Variants in PLSCR4 observed in about 807,000 individuals in gnomAD.
The protein encoded by PLSCR4 is Ca(2+)-dependent phospholipid scramblase 4.
PLSCR4 carries 25 observed loss-of-function variants against 36.3 expected under a neutral mutation model. That is an observed-to-expected ratio of 0.69 (90% CI 0.50 to 0.96). The LOEUF is 0.96. PLSCR4 is among the 40% of genes least tolerant of loss of function. The pLI is 0.00. For synonymous variants in PLSCR4, 122 were observed against 132.9 expected (o/e 0.92, Z 0.56); for missense variants, 408 against 414.7 (o/e 0.98, Z 0.14).
At chr3:146,216,908 G>A (rs1428339887) in intron 3 of PLSCR4, among the ~76,000 whole-genome samples, 6 of 152,072 alleles carry the variant, frequency 3.9e-5, no homozygotes, top group Admixed American at 1.3e-4. Context: ...CGCCTTTGAA[G>A]GTGATGAAGT....
intron 3 of PLSCR4, among the ~76,000 whole-genome samples, chr3:146,215,294 T>C (rs2034838931): frequency 1.3e-5 from 2 of 151,934 alleles, no homozygotes. Context: ...GAAACTCGTG[T>C]TACTTATACA....
intron 1 of PLSCR4, among the ~76,000 whole-genome samples, chr3:146,249,719 A>G (rs1167902691): frequency 6.6e-6 from 1 of 151,926 alleles, no homozygotes; most frequent in Non-Finnish European, 1.5e-5. Context: ...TGAGCTAAAC[A>G]GTACAGTTAA....
At chr3:146,201,926 C>T (rs2034070253) in intron 4 of PLSCR4, among the ~76,000 whole-genome samples, 2 of 151,960 alleles carry the variant, frequency 1.3e-5, no homozygotes, top group Non-Finnish European at 2.9e-5. Flanking sequence ...GACCATTAGA[C>T]CATTCCTAAT....
chr3:146,221,300 G>A (rs1368746266), intron 2 of PLSCR4, among the ~76,000 whole-genome samples: 1 of 152,116 alleles, frequency 6.6e-6, no homozygotes, highest in East Asian at 1.9e-4. Flanking sequence ...ATAGAGTGAA[G>A]TTGATTTTTT....
At chr3:146,195,094 CT>C in intron 8 of PLSCR4, 29 bp downstream of exon 8, 1 of 1,605,400 alleles carries the variant, frequency 6.2e-7, no homozygotes, top group Non-Finnish European at 8.5e-7. Flanking sequence ...GAACAACTCT[CT>C]CAGGATAACT....
chr3:146,244,361 C>G (rs1452172430), intron 1 of PLSCR4, among the ~76,000 whole-genome samples: 1 of 152,070 alleles, frequency 6.6e-6, no homozygotes, highest in African/African-American at 2.4e-5. Flanking sequence ...TTTTACTGTG[C>G]TTTGCTATAC....
intron 1 of PLSCR4, among the ~76,000 whole-genome samples, chr3:146,235,337 T>A (rs764494827): frequency 3.3e-5 from 5 of 152,050 alleles, no homozygotes; most frequent in Non-Finnish European, 5.9e-5. Context: ...TAAAAGTGTA[T>A]GGTACCTCTC....
At chr3:146,243,409 A>G (rs957021328) in intron 1 of PLSCR4, among the ~76,000 whole-genome samples, 1 of 152,228 alleles carries the variant, frequency 6.6e-6, no homozygotes, top group Non-Finnish European at 1.5e-5. Context: ...TCTTGAAAAC[A>G]AAGAAATGAA....
At chr3:146,200,876 T>C (rs1054043505) in intron 5 of PLSCR4, among the ~76,000 whole-genome samples, 159 bp downstream of exon 5, 3 of 152,074 alleles carry the variant, frequency 2.0e-5, no homozygotes, top group Admixed American at 6.6e-5. Flanking sequence ...TTATACAAAA[T>C]AATTCACTTT....
chr3:146,223,088 T>G (rs181441587), intron 1 of PLSCR4, among the ~76,000 whole-genome samples: 2 of 80,270 alleles, frequency 2.5e-5, no homozygotes, highest in African/African-American at 8.4e-5. Context: ...AATTGAAAGT[T>G]TAGACTGGGG....
chr3:146,242,045 A>G (rs1315828585), intron 1 of PLSCR4, among the ~76,000 whole-genome samples: 1 of 152,202 alleles, frequency 6.6e-6, no homozygotes, highest in African/African-American at 2.4e-5. Context: ...AGCTTCAGCC[A>G]ATCACGGGCT....
intron 1 of PLSCR4, among the ~76,000 whole-genome samples, chr3:146,240,727 G>A (rs544335900): frequency 6.6e-6 from 1 of 152,206 alleles, no homozygotes; most frequent in South Asian, 2.1e-4. Flanking sequence ...ATGTCGCTGA[G>A]GAATGTAAAA....
chr3:146,227,768 G>A (rs1048279747), intron 1 of PLSCR4, among the ~76,000 whole-genome samples: 1 of 152,174 alleles, frequency 6.6e-6, no homozygotes, highest in Non-Finnish European at 1.5e-5. Flanking sequence ...AACCCTGAGA[G>A]AAGAGAACAG....
rs2033432310 is a variant in PLSCR4, at chr3:146,192,342, A to G, written c.*2069T>C. ...TCAAAAAATAAAACAGTGTTTTACT[A>G]TTAACCATTGTATATTTATTTAAAA... On this transcript the variant is annotated 3_prime_UTR_variant, in exon 9 of 9. Transcript: ENST00000354952. The G allele has an allele frequency of 6.6e-6, 1 of 150,552 alleles. No homozygotes were observed. Among genetic ancestry groups the G allele is most frequent in the Non-Finnish European group, 1.5e-5 (1 of 67,650 alleles). The allele number at this position is 150,552 out of a possible 1,614,324, so 9.3% of individuals were successfully genotyped here.
At position 146,199,909 on chromosome 3, in the gene PLSCR4, G is replaced by A. The variant is rs777955180; in HGVS notation, c.528C>T (p.Leu176=). 1 of 1,613,504 alleles carries A rather than the reference G, an allele frequency of 6.2e-7. No homozygotes were observed. Among genetic ancestry groups the A allele is most frequent in the Non-Finnish European group, 8.5e-7 (1 of 1,179,786 alleles). The change falls in exon 6 of 9, where the codon CTC becomes CTT. Residue 176 remains leucine (L), a synonymous_variant. Coordinates refer to ENST00000354952, the MANE Select transcript of PLSCR4 (RefSeq NM_020353.3). The stretch of plus-strand genomic sequence containing the variant: ...CTCGGCCCATACAATCAGTGACCCG[G>A]AGGACGAAGGGCCTTAGTGTCCGAT... ...NAYRTLRPFV[L]RVTDCMGREI... is the part of the protein sequence containing the mutation.
chr3:146,232,133 ATTG>A, intron 1 of PLSCR4, among the ~76,000 whole-genome samples: 1 of 152,016 alleles, frequency 6.6e-6, no homozygotes, highest in Non-Finnish European at 1.5e-5. Flanking sequence ...ATTGCTTGGT[ATTG>A]TTGACTTTGT....
At chr3:146,224,255 T>C (rs1336848095) in intron 1 of PLSCR4, among the ~76,000 whole-genome samples, 6 of 152,196 alleles carry the variant, frequency 3.9e-5, no homozygotes, top group Admixed American at 3.9e-4. Flanking sequence ...TAAATTCTGG[T>C]ACATTCACAT....
At chr3:146,250,583 G>C (rs574347508) in intron 1 of PLSCR4, 2 of 152,104 alleles carry the variant, frequency 1.3e-5, no homozygotes, top group South Asian at 2.1e-4. Context: ...CTGAGTCCGT[G>C]AGAGCCGCGC....
chr3:146,237,118 C>CAGGTCGAAAAA (rs2035950805), intron 1 of PLSCR4, among the ~76,000 whole-genome samples: 2 of 151,926 alleles, frequency 1.3e-5, no homozygotes, highest in South Asian at 4.2e-4. Flanking sequence ...TAAAGACAAA[C>CAGGTCGAAAAA]AGGTCGAAAA....
Sources: allele counts gnomAD v4.1 joint callset (sites outside exome capture counted in the v4.1 genomes callset), GRCh38; gene constraint gnomAD v4.1.1; transcripts MANE v1.5; gene names NCBI Gene and HGNC (gene_info 2026-07-23, HGNC 2026-07-21).